Variants in TENM3 observed in about 807,000 individuals in gnomAD.
TENM3 encodes teneurin-3.
Under a neutral mutation model 255.1 loss-of-function variants are expected in TENM3, and 63 were observed. The observed-to-expected ratio is 0.25, with a 90% confidence interval of 0.20 to 0.30. The LOEUF (loss-of-function observed/expected upper bound fraction) is 0.30. Ranked by LOEUF, TENM3 falls within the 10% of genes least tolerant of loss-of-function variation. The pLI, the probability that TENM3 is intolerant of heterozygous loss-of-function variation, is 1.00. For missense variants in TENM3, 2,929 were observed against 3,461.1 expected, an observed-to-expected ratio of 0.85 and a Z score of 3.86; for synonymous variants, 1,306 against 1,322.3, an observed-to-expected ratio of 0.99 and a Z score of 0.27.
the TENM3 span, among the ~76,000 whole-genome samples, chr4:181,613,233 T>C: frequency 3.3e-5 from 5 of 152,222 alleles, no homozygotes; most frequent in Non-Finnish European, 5.9e-5. Context: ...GGGAGACATC[T>C]CCTTCTCCTT....
the TENM3 span, among the ~76,000 whole-genome samples, chr4:181,978,855 T>C: frequency 6.6e-6 from 1 of 150,772 alleles, no homozygotes; most frequent in Non-Finnish European, 1.5e-5. Flanking sequence ...GTATGAATTG[T>C]GGTCTCTTGT....
At chr4:182,063,736 G>A in the TENM3 span, among the ~76,000 whole-genome samples, 1 of 152,212 alleles carries the variant, frequency 6.6e-6, no homozygotes, top group East Asian at 1.9e-4. Context: ...CGTTAGACAT[G>A]GTTTCTGCCC....
the TENM3 span, among the ~76,000 whole-genome samples, chr4:182,030,604 G>A: frequency 6.6e-6 from 1 of 152,136 alleles, no homozygotes; most frequent in Non-Finnish European, 1.5e-5. Context: ...ACCCAATAAT[G>A]GAATTGCTGG....
chr4:182,568,125 C>A (rs1272256094), intron 3 of TENM3, among the ~76,000 whole-genome samples: 1 of 152,160 alleles, frequency 6.6e-6, no homozygotes, highest in Non-Finnish European at 1.5e-5. Context: ...TCAGCAAATC[C>A]TGCCAGTTCT....
the TENM3 span, among the ~76,000 whole-genome samples, chr4:181,807,829 G>T: frequency 6.6e-6 from 1 of 152,184 alleles, no homozygotes; most frequent in African/African-American, 2.4e-5. Context: ...AATCAAGGTT[G>T]TAGTGAGTCC....
the TENM3 span, among the ~76,000 whole-genome samples, chr4:181,823,614 T>C: frequency 6.6e-6 from 1 of 152,162 alleles, no homozygotes; most frequent in Non-Finnish European, 1.5e-5. Context: ...GTAATCACAA[T>C]ATTTCTTGCC....
intron 26 of TENM3, among the ~76,000 whole-genome samples, chr4:182,794,902 C>T (rs1489163201): frequency 6.6e-6 from 1 of 152,178 alleles, no homozygotes; most frequent in African/African-American, 2.4e-5. Context: ...ATCATTAACC[C>T]CTCTACCACA....
At chr4:181,590,178 G>A in the TENM3 span, among the ~76,000 whole-genome samples, 2 of 152,052 alleles carry the variant, frequency 1.3e-5, no homozygotes, top group Admixed American at 6.6e-5. Flanking sequence ...AAGAAACCAT[G>A]TACATAAGAA....
At chr4:181,841,619 T>C in the TENM3 span, among the ~76,000 whole-genome samples, 3 of 152,204 alleles carry the variant, frequency 2.0e-5, no homozygotes, top group Admixed American at 6.5e-5. Context: ...AGTTTTCTTA[T>C]ATTTTTGGGT....
the TENM3 span, among the ~76,000 whole-genome samples, chr4:182,037,154 T>A: frequency 3.3e-5 from 5 of 151,812 alleles, no homozygotes; most frequent in African/African-American, 1.2e-4. Context: ...CCTTTTATTT[T>A]TTTTTTTTTG....
chr4:182,492,118 A>G (rs1735356508), intron 3 of TENM3, among the ~76,000 whole-genome samples: 1 of 152,184 alleles, frequency 6.6e-6, no homozygotes, highest in Non-Finnish European at 1.5e-5. Flanking sequence ...AGAGACAATA[A>G]GGGTAGGATC....
chr4:181,527,812 TC>T, the TENM3 span, among the ~76,000 whole-genome samples: 1 of 152,004 alleles, frequency 6.6e-6, no homozygotes. Context: ...GTCTTTTTTT[TC>T]GTTTAATGTA....
chr4:182,346,608 A>T, intron 2 of TENM3, 43 bp from the exon 3 acceptor site: 1 of 1,529,588 alleles, frequency 6.5e-7, no homozygotes, highest in Non-Finnish European at 9.0e-7. Context: ...ACTAACACTG[A>T]ACATATACTC....
intron 3 of TENM3, among the ~76,000 whole-genome samples, chr4:182,365,483 C>A (rs1374105780): frequency 3.3e-5 from 5 of 152,152 alleles, no homozygotes; most frequent in Non-Finnish European, 5.9e-5. Flanking sequence ...GGGGCACAGG[C>A]CCAATGTGTG....
intron 3 of TENM3, among the ~76,000 whole-genome samples, chr4:182,597,265 C>T (rs750797014): frequency 7.2e-5 from 11 of 151,960 alleles, no homozygotes; most frequent in South Asian, 2.1e-4. Flanking sequence ...AAAAATTAGC[C>T]GGGCGTGGTG....
the TENM3 span, among the ~76,000 whole-genome samples, chr4:181,904,070 A>G: frequency 2.0e-5 from 3 of 152,026 alleles, no homozygotes; most frequent in African/African-American, 7.3e-5. Flanking sequence ...TAAGTTGAAA[A>G]CTGAGCTCTT....
chr4:181,641,569 T>TATATAC, the TENM3 span, among the ~76,000 whole-genome samples: 2 of 61,398 alleles, frequency 3.3e-5, no homozygotes, highest in South Asian at 1.4e-3. Context: ...TATATATATA[T>TATATAC]ATATATATAT....
Position 182,789,603 on chromosome 4 carries a change from CT to C in TENM3, c.5601+218del, listed in dbSNP as rs1765946822. ...TAGTTAAGTTCTACTGTCTGAGACC[CT>C]TTTAAGTGATTTATGATGTAAACAA... is the stretch of plus-strand genomic sequence containing the variant. On this transcript the variant is annotated intron_variant, in intron 25 of 27. Coordinates refer to ENST00000511685, the MANE Select transcript of TENM3 (RefSeq NM_001080477.4). This position sits in a 1 kb window ranked among gnomAD's most constrained non-coding sequence, Gnocchi z 4.4. Among the ~76,000 whole-genome samples, 1 of 152,190 alleles carries C rather than the reference CT, an allele frequency of 6.6e-6. No individual in the cohort carries two copies. The highest frequency in any genetic ancestry group is 1.5e-5 in the Non-Finnish European group (1 of 68,032).
the TENM3 span, among the ~76,000 whole-genome samples, chr4:181,940,415 T>C: frequency 6.6e-6 from 1 of 152,216 alleles, no homozygotes; most frequent in Non-Finnish European, 1.5e-5. Flanking sequence ...CTATTGAGTA[T>C]TTACTACGCA....
Sources: allele counts gnomAD v4.1 joint callset (sites outside exome capture counted in the v4.1 genomes callset), GRCh38; gene constraint gnomAD v4.1.1; non-coding constraint Gnocchi (gnomAD v3.1); transcripts MANE v1.5; gene names NCBI Gene and HGNC (gene_info 2026-07-23, HGNC 2026-07-21).